Variants in ARIH1 observed in about 807,000 individuals in gnomAD.
ARIH1 encodes the protein E3 ubiquitin-protein ligase ARIH1.
ARIH1 carries 8 observed loss-of-function variants against 85.0 expected under a neutral mutation model. That is an observed-to-expected ratio of 0.09 (90% confidence interval 0.06 to 0.17). ARIH1 has a LOEUF of 0.17. Ranked by LOEUF, ARIH1 falls within the 10% of genes least tolerant of loss-of-function variation. The pLI is 1.00. For missense variants in ARIH1, 311 were observed against 718.1 expected, an observed-to-expected ratio of 0.43 and a Z score of 6.48; for synonymous variants, 238 against 253.6, an observed-to-expected ratio of 0.94 and a Z score of 0.59.
At chr15:72,542,345 C>G (rs920713474) in intron 2 of ARIH1, among the ~76,000 whole-genome samples, 1 of 152,068 alleles carries the variant, frequency 6.6e-6, no homozygotes, top group Non-Finnish European at 1.5e-5. Flanking sequence ...AAGAAAGCAA[C>G]CCATGAAACA....
chr15:72,539,056 A>G lies in ARIH1; in HGVS notation c.444-5764A>G, dbSNP rs367984501. 8.5e-5 allele frequency among the ~76,000 whole-genome samples: 13 copies of G among 152,296 alleles called. No homozygotes were observed. The East Asian group carries it at 9.6e-4, about 11-fold the overall frequency. On this transcript the variant is annotated intron_variant, in intron 2 of 13. Coordinates refer to ENST00000379887, the MANE Select transcript of ARIH1 (RefSeq NM_005744.5). ...GATAGGCAGGGTTACAGGGAAGGAG[A>G]GAAGCACAGTCCTAGGATAAGCTTT...
intron 1 of ARIH1, among the ~76,000 whole-genome samples, chr15:72,478,304 AG>A (rs1193953989): frequency 1.3e-5 from 2 of 151,514 alleles, no homozygotes; most frequent in African/African-American, 4.9e-5. Context: ...TTTAGTAGAG[AG>A]GGGGTTTCAC....
At chr15:72,522,555 A>G (rs1171745839) in intron 2 of ARIH1, among the ~76,000 whole-genome samples, 4 of 152,118 alleles carry the variant, frequency 2.6e-5, no homozygotes, top group Admixed American at 6.6e-5. Context: ...GAATGAGGTA[A>G]AAAAAAGGAC....
intron 1 of ARIH1, among the ~76,000 whole-genome samples, chr15:72,498,770 G>T (rs1350441608): frequency 1.3e-5 from 2 of 151,550 alleles, no homozygotes; most frequent in Non-Finnish European, 2.9e-5. Flanking sequence ...AACCCAGGAG[G>T]CGGAGGTTGC....
At chr15:72,566,855 C>T (rs1022741403) in intron 8 of ARIH1, among the ~76,000 whole-genome samples, 7 of 152,092 alleles carry the variant, frequency 4.6e-5, no homozygotes, top group African/African-American at 1.2e-4. Context: ...GAATACACAC[C>T]TTGCAGTTGG....
intron 6 of ARIH1, 57 bp downstream of exon 6, chr15:72,561,606 T>C (rs2064197693): frequency 2.0e-6 from 2 of 1,021,994 alleles, no homozygotes; most frequent in Non-Finnish European, 1.4e-6. Context: ...ATAGAAATAC[T>C]ATTTTAAAAA....
intron 1 of ARIH1, among the ~76,000 whole-genome samples, chr15:72,485,516 T>A (rs1042076721): frequency 2.0e-5 from 3 of 152,228 alleles, no homozygotes; most frequent in Non-Finnish European, 2.9e-5. Flanking sequence ...AATACAGTGT[T>A]TGCCTATTGA....
At chr15:72,500,463 A>G (rs1166636461) in intron 1 of ARIH1, among the ~76,000 whole-genome samples, 1 of 152,034 alleles carries the variant, frequency 6.6e-6, no homozygotes, top group East Asian at 1.9e-4. Flanking sequence ...CTTCTAATCC[A>G]TTGTGCTGGA....
At position 72,583,280 on chromosome 15, in the gene ARIH1, C is replaced by G. The variant is rs1245309692; in HGVS notation, c.1662C>G (p.Tyr554Ter). ...GCTATGAAAAAGATCTGTGGGAGTA[C>G]ATTGAGGACTGAGAATGGCCCTGCA... ...HEGYEKDLWEYIED is the reference protein window; with the variant it reads ...HEGYEKDLWE Residue 554 changes from tyrosine (Y) to a stop codon, truncating the protein, a stop_gained, in exon 14 of 14, where the codon TAC (tyrosine) becomes TAG (stop). Coordinates refer to ENST00000379887, the MANE Select transcript of ARIH1 (RefSeq NM_005744.5). LOFTEE classifies it high-confidence loss of function. The G allele has an allele frequency of 6.2e-7, 1 of 1,612,034 alleles. No homozygotes were observed. The highest frequency in any genetic ancestry group is 1.7e-4 in the Middle Eastern group (1 of 6,054).
intron 7 of ARIH1, 163 bp from the exon 8 acceptor site, chr15:72,566,400 A>G (rs1456476623): frequency 6.3e-6 from 4 of 634,912 alleles, no homozygotes; most frequent in Non-Finnish European, 1.1e-5. Context: ...ACTAAATTCT[A>G]GGTAATTAAC....
intron 1 of ARIH1, among the ~76,000 whole-genome samples, chr15:72,477,341 A>G (rs1052905119): frequency 2.0e-5 from 3 of 152,190 alleles, no homozygotes; most frequent in African/African-American, 4.8e-5. Flanking sequence ...GCAGTTATCT[A>G]GGTTTTTAAT....
intron 3 of ARIH1, among the ~76,000 whole-genome samples, chr15:72,552,310 A>G (rs2064156033): frequency 6.6e-6 from 1 of 152,192 alleles, no homozygotes; most frequent in South Asian, 2.1e-4. Flanking sequence ...TTTTTTTAAG[A>G]CGGAGTCTTG....
chr15:72,492,571 T>C (rs2063863717), intron 1 of ARIH1, among the ~76,000 whole-genome samples: 1 of 152,238 alleles, frequency 6.6e-6, no homozygotes, highest in South Asian at 2.1e-4. Context: ...TTACTTGTCA[T>C]TTAATTTGGA....
At chr15:72,528,376 A>G (rs1042700250) in intron 2 of ARIH1, among the ~76,000 whole-genome samples, 1 of 152,304 alleles carries the variant, frequency 6.6e-6, no homozygotes, top group African/African-American at 2.4e-5. Flanking sequence ...TTTAATGGGT[A>G]GGTACTAGTG....
rs781240234 is a variant in ARIH1 at position 72,474,662 on chromosome 15, A to T, written c.23A>T (p.Asn8Ile). 4 of 1,554,802 alleles carry T rather than the reference A, an allele frequency of 2.6e-6. No homozygotes were observed. The highest frequency in any genetic ancestry group is 3.5e-6 in the Non-Finnish European group (4 of 1,152,298). ...GCCATGGACTCGGACGAGGGCTACA[A>T]CTACGAGTTCGACGAGGACGAGGAG... is the stretch of plus-strand genomic sequence containing the variant. MDSDEGY[N>I]YEFDEDEECS... The change falls in exon 1 of 14, where the codon AAC becomes ATC. Residue 8 changes from asparagine (N) to isoleucine (I), a missense_variant. Around this residue, in one of 3 missense-constraint regions of ARIH1, gnomAD observed 157 missense variants for 185.1 expected, o/e 0.85. Transcript: ENST00000379887.
chr15:72,573,350 C>T (rs904856059), intron 11 of ARIH1, among the ~76,000 whole-genome samples: 1 of 152,062 alleles, frequency 6.6e-6, no homozygotes, highest in African/African-American at 2.4e-5. Context: ...CACCTGAGGT[C>T]GGGAGTTCCA....
chr15:72,580,440 T>C (rs1222473442), intron 11 of ARIH1: 1 of 338,398 alleles, frequency 3.0e-6, no homozygotes, highest in African/African-American at 2.1e-5. Flanking sequence ...CCTTTTCATA[T>C]ATACACAGTA....
chr15:72,545,904 A>G, intron 3 of ARIH1, among the ~76,000 whole-genome samples: 1 of 59,594 alleles, frequency 1.7e-5, no homozygotes, highest in East Asian at 6.5e-4. Flanking sequence ...AAGGAAGTTT[A>G]GTCTTAAGAT....
chr15:72,552,755 G>A (rs1313312526), intron 3 of ARIH1, among the ~76,000 whole-genome samples: 1 of 151,744 alleles, frequency 6.6e-6, no homozygotes, highest in Non-Finnish European at 1.5e-5. Context: ...ACAAACAACA[G>A]GGATGGGAAT....
Sources: allele counts gnomAD v4.1 joint callset (sites outside exome capture counted in the v4.1 genomes callset), GRCh38; gene constraint gnomAD v4.1.1; regional missense constraint gnomAD v4.1.1; transcripts MANE v1.5; gene names NCBI Gene and HGNC (gene_info 2026-07-23, HGNC 2026-07-21).